ELOVL5: variants seen among roughly 807,000 people sequenced by gnomAD.
The protein encoded by ELOVL5 is ELOVL fatty acid elongase 5.
A neutral mutation model predicts 38.6 loss-of-function variants in ELOVL5; 8 were observed. The ratio of observed to expected loss-of-function variants is 0.21; its 90% CI spans 0.12 to 0.37. The LOEUF (loss-of-function observed/expected upper bound fraction) is 0.37. ELOVL5 is among the 10% of genes least tolerant of loss of function. The pLI, the probability that ELOVL5 is intolerant of heterozygous loss-of-function variation, is 1.00. For synonymous variants in ELOVL5, 127 were observed against 133.7 expected (o/e 0.95, Z 0.34); for missense variants, 280 against 367.8 (o/e 0.76, Z 1.95).
At chr6:53,305,380 A>ACC (rs780282202) in intron 1 of ELOVL5, among the ~76,000 whole-genome samples, 2 of 106,370 alleles carry the variant, frequency 1.9e-5, no homozygotes, top group Non-Finnish European at 3.8e-5. Context: ...GCGGGGGCTG[A>ACC]CCCCCCCCCA....
chr6:53,312,980 T>C (rs940743921), intron 1 of ELOVL5, among the ~76,000 whole-genome samples: 1 of 152,206 alleles, frequency 6.6e-6, no homozygotes, highest in Non-Finnish European at 1.5e-5. Flanking sequence ...TGATGAAGCT[T>C]CCCAGTAAAC....
chr6:53,288,143 C>T (rs1227131513), intron 3 of ELOVL5, among the ~76,000 whole-genome samples: 1 of 152,068 alleles, frequency 6.6e-6, no homozygotes, highest in Admixed American at 6.5e-5. Context: ...CTGATCCAAC[C>T]AGGTAGATAA....
chr6:53,296,007 A>G (rs1267941547), intron 1 of ELOVL5, among the ~76,000 whole-genome samples: 2 of 152,148 alleles, frequency 1.3e-5, no homozygotes, highest in African/African-American at 2.4e-5. Flanking sequence ...GTGGGGAAAA[A>G]AGTGGAACTA....
chr6:53,297,210 C>A (rs772710908), intron 1 of ELOVL5, among the ~76,000 whole-genome samples: 17 of 152,148 alleles, frequency 1.1e-4, no homozygotes, highest in Non-Finnish European at 2.4e-4. Flanking sequence ...ACCAGGTCAG[C>A]CACCTTTGCC....
At chr6:53,309,691 T>C (rs1050722502) in intron 1 of ELOVL5, among the ~76,000 whole-genome samples, 3 of 152,210 alleles carry the variant, frequency 2.0e-5, no homozygotes, top group Non-Finnish European at 4.4e-5. Flanking sequence ...TTGTGGCTTC[T>C]ATCTTGGTCA....
In ELOVL5 at chr6:53,323,576, C is replaced by CTTTTT. The variant is rs3063792; in HGVS notation, c.-9+25236_-9+25240dup. Among the ~76,000 whole-genome samples, 307 of 81,498 alleles carry CTTTTT rather than the reference C, an allele frequency of 3.8e-3. 5 individuals are homozygous for CTTTTT. The highest frequency in any genetic ancestry group is 0.01 in the Middle Eastern group (1 of 98). The allele number at this position is 81,498 out of a possible 152,430, so 53.5% of individuals were successfully genotyped here. On this transcript the variant is annotated intron_variant, in intron 1 of 7. Coordinates refer to ENST00000304434, the MANE Select transcript of ELOVL5 (RefSeq NM_021814.5). ...CTCTACCACGTCCAATACTAGCCAG[C>CTTTTT]TTTTTTTTTTTTTTTTTTTTTTTGA... is the stretch of plus-strand genomic sequence containing the variant.
At chr6:53,270,840 C>T in intron 6 of ELOVL5, 113 bp from the exon 7 acceptor site, 1 of 1,217,934 alleles carries the variant, frequency 8.2e-7, no homozygotes, top group East Asian at 2.4e-5. Flanking sequence ...ACTTACTACC[C>T]TTGCTGCAGG....
intron 3 of ELOVL5, among the ~76,000 whole-genome samples, chr6:53,278,513 C>A (rs566467681): frequency 1.3e-5 from 2 of 152,168 alleles, no homozygotes; most frequent in African/African-American, 4.8e-5. Context: ...GTTAACCTAA[C>A]GTTCCATTTG....
At chr6:53,325,804 G>A (rs1013893425) in intron 1 of ELOVL5, among the ~76,000 whole-genome samples, 1 of 152,180 alleles carries the variant, frequency 6.6e-6, no homozygotes, top group South Asian at 2.1e-4. Flanking sequence ...CCGGAAAAGT[G>A]TCTCAAATTT....
Position 53,328,459 on chromosome 6 carries a change from C to G in ELOVL5, c.-9+20358G>C, listed in dbSNP as rs74779998. On this transcript the variant is annotated intron_variant, in intron 1 of 7. Coordinates refer to ENST00000304434, the MANE Select transcript of ELOVL5 (RefSeq NM_021814.5). ...GGAGGCTAATGCTCTATTTACAGTCCCCAAAGTAGAGCTCTAGTTGATCTG... is the reference window on the plus strand; with the variant it reads ...GGAGGCTAATGCTCTATTTACAGTCGCCAAAGTAGAGCTCTAGTTGATCTG... Among the ~76,000 whole-genome samples the G allele has an allele frequency of 5.0e-4, 76 of 152,108 alleles. 1 individual carries two copies. The highest frequency in any genetic ancestry group is 1.7e-3 in the African/African-American group (70 of 41,482).
At chr6:53,325,211 C>T (rs1373438462) in intron 1 of ELOVL5, among the ~76,000 whole-genome samples, 1 of 152,190 alleles carries the variant, frequency 6.6e-6, no homozygotes, top group Non-Finnish European at 1.5e-5. Flanking sequence ...ATGACCACTT[C>T]ACAAGTGTCT....
chr6:53,324,672 CAAAAAA>C lies in ELOVL5; in HGVS notation c.-9+24139_-9+24144del, dbSNP rs200304234. Reference sequence around the variant, plus strand: ...CCTGGTGACAAGAGGGAGATCCTGTCAAAAAAAAAAAAAAAAAAAGGAAAAGAAATA... The same window carrying C: ...CCTGGTGACAAGAGGGAGATCCTGTCAAAAAAAAAAAAAGGAAAAGAAATA... On this transcript the variant is annotated intron_variant, in intron 1 of 7. Transcript: ENST00000304434. 1.9e-3 allele frequency among the ~76,000 whole-genome samples: 150 copies of C among 80,360 alleles called. 2 individuals are homozygous for C. The highest frequency in any genetic ancestry group is 0.01 in the African/African-American group (129 of 12,362). The allele number at this position is 80,360 out of a possible 152,430, so 52.7% of individuals were successfully genotyped here. A position where few individuals can be genotyped will look rare whatever the true frequency, so the allele number is the denominator to read the frequency against.
intron 7 of ELOVL5, 52 bp downstream of exon 7, chr6:53,270,541 C>T: frequency 1.2e-6 from 2 of 1,600,334 alleles, no homozygotes; most frequent in South Asian, 2.2e-5. Flanking sequence ...AGATGAGGGC[C>T]TTTGTTGGTA....
intron 1 of ELOVL5, among the ~76,000 whole-genome samples, chr6:53,321,941 T>C (rs1046667816): frequency 6.6e-6 from 1 of 152,218 alleles, no homozygotes; most frequent in Non-Finnish European, 1.5e-5. Flanking sequence ...GGAGCCTTTC[T>C]TTCTCTCAGG....
At chr6:53,313,973 G>A (rs1010001570) in intron 1 of ELOVL5, among the ~76,000 whole-genome samples, 4 of 152,196 alleles carry the variant, frequency 2.6e-5, no homozygotes, top group Non-Finnish European at 4.4e-5. Flanking sequence ...TCCCAGAAAA[G>A]GCTGAGGTGA....
intron 1 of ELOVL5, among the ~76,000 whole-genome samples, chr6:53,324,514 A>G (rs1348924035): frequency 6.6e-6 from 1 of 151,664 alleles, no homozygotes; most frequent in African/African-American, 2.4e-5. Flanking sequence ...CACCTCTACA[A>G]AAAATAGGAA....
chr6:53,348,853 A>C lies in ELOVL5; in HGVS notation c.-45T>G, dbSNP rs1240194138. ...AGGGGCGGCAGCAGCTTTGAGCAGC[A>C]GCAAGGCGGCGGCGGCGGAGGGAGC... On this transcript the variant is annotated 5_prime_UTR_variant, in exon 1 of 8. Transcript: ENST00000304434. 2 of 458,956 alleles carry C rather than the reference A, an allele frequency of 4.4e-6. No homozygotes were observed. Among genetic ancestry groups the C allele is most frequent in the Non-Finnish European group, 8.8e-6 (2 of 228,272 alleles). 28.4% of individuals were successfully genotyped at this position (458,956 alleles called of 1,614,324 possible).
rs144517438 is a variant in ELOVL5 at position 53,319,006 on chromosome 6, G to A, written c.-8-23299C>T. 4.9e-3 allele frequency among the ~76,000 whole-genome samples: 744 copies of A among 151,948 alleles called. 10 individuals carry two copies. Among genetic ancestry groups the A allele is most frequent in the African/African-American group, 0.016 (668 of 41,458 alleles). ...ATTGGAAATATCTGATCTGCAGGCC[G>A]GGTGCAGTGGCTCATGCCTGTAATC... On this transcript the variant is annotated intron_variant, in intron 1 of 7. Transcript: ENST00000304434.
At chr6:53,297,162 C>T (rs1767037317) in intron 1 of ELOVL5, among the ~76,000 whole-genome samples, 2 of 151,944 alleles carry the variant, frequency 1.3e-5, no homozygotes. Context: ...GGCACCAGCT[C>T]CCCGAAGGCA....
Sources: gnomAD v4.1 joint callset for allele counts (sites outside exome capture counted in the v4.1 genomes callset) on GRCh38, gnomAD v4.1.1 for gene constraint, MANE v1.5 for transcripts, NCBI Gene and HGNC (gene_info 2026-07-23, HGNC 2026-07-21) for gene names.